Variants in CCDC150 observed in about 807,000 individuals in gnomAD.
CCDC150 encodes coiled-coil domain-containing protein 150.
A neutral mutation model predicts 156.5 loss-of-function variants in CCDC150; 151 were observed. That is an observed-to-expected ratio of 0.97 (90% CI 0.85 to 1.10). CCDC150 has a LOEUF of 1.10. Ranked by LOEUF, CCDC150 falls within the 50% of genes least tolerant of loss-of-function variation. CCDC150 has a pLI of 0.00. For synonymous variants in CCDC150, 452 were observed against 429.4 expected, an observed-to-expected ratio of 1.05 and a Z score of -0.65; for missense variants, 1,312 against 1,268.1, an observed-to-expected ratio of 1.03 and a Z score of -0.53.
intron 13 of CCDC150, among the ~76,000 whole-genome samples, chr2:196,678,274 T>C (rs1288433947): frequency 6.6e-6 from 1 of 152,172 alleles, no homozygotes; most frequent in African/African-American, 2.4e-5. Context: ...CAATAGGTAT[T>C]GGGTATAGTC....
chr2:196,697,366 C>G (rs1003554229), intron 14 of CCDC150, among the ~76,000 whole-genome samples: 1 of 151,790 alleles, frequency 6.6e-6, no homozygotes, highest in African/African-American at 2.4e-5. Context: ...ATTCCATTAC[C>G]ACTGGCAGTC....
intron 22 of CCDC150, chr2:196,728,066 G>A (rs1371323468): frequency 6.7e-6 from 1 of 148,564 alleles, no homozygotes; most frequent in Non-Finnish European, 1.5e-5. Context: ...ATTTGAAGAA[G>A]GATCAGTGAC....
chr2:196,684,179 A>T (rs1168582124), intron 13 of CCDC150, among the ~76,000 whole-genome samples: 1 of 152,064 alleles, frequency 6.6e-6, no homozygotes. Flanking sequence ...ATAAAAAATA[A>T]GTTTCTGCAG....
At chr2:196,673,482 TACTGCCTGC>T (rs1254889588) in intron 9 of CCDC150, among the ~76,000 whole-genome samples, 4 of 152,180 alleles carry the variant, frequency 2.6e-5, no homozygotes, top group African/African-American at 9.7e-5. Context: ...CTAACTACTG[TACTGCCTGC>T]CCATACCACT....
intron 27 of CCDC150, 90 bp downstream of exon 27, chr2:196,732,242 T>C: frequency 7.0e-7 from 1 of 1,428,610 alleles, no homozygotes; most frequent in Non-Finnish European, 9.7e-7. Context: ...ATCTCGATAC[T>C]CTCTCTTTTA....
Position 196,665,486 on chromosome 2 carries a change from G to A in CCDC150, c.646-81G>A, listed in dbSNP as rs1192337881. On this transcript the variant is annotated intron_variant, in intron 5 of 27. Coordinates refer to ENST00000389175, the MANE Select transcript of CCDC150 (RefSeq NM_001080539.2). The stretch of plus-strand genomic sequence containing the variant: ...TGTTTGGGGGTGAGATGGCATGTCT[G>A]ATAAACTTCTCAGGTAACTTTGATC... 6.8e-6 allele frequency: 5 copies of A among 737,584 alleles called. No individual in the cohort carries two copies. In the Admixed American group the frequency reaches 1.4e-4, roughly 21 times the overall value. 45.7% of individuals were successfully genotyped at this position (737,584 alleles called of 1,614,324 possible).
At chr2:196,721,427 C>A in intron 20 of CCDC150, 95 bp from the exon 21 acceptor site, 1 of 887,352 alleles carries the variant, frequency 1.1e-6, no homozygotes, top group Non-Finnish European at 1.5e-6. Context: ...TTCAATGGTA[C>A]TTGATGATAG....
chr2:196,651,756 G>C (rs184545344), intron 2 of CCDC150, among the ~76,000 whole-genome samples: 1 of 152,244 alleles, frequency 6.6e-6, no homozygotes, highest in Non-Finnish European at 1.5e-5. Context: ...TTAGTCCATT[G>C]TGCATTGCTA....
intron 2 of CCDC150, among the ~76,000 whole-genome samples, chr2:196,649,981 T>G (rs565412640): frequency 6.6e-6 from 1 of 152,316 alleles, no homozygotes; most frequent in African/African-American, 2.4e-5. Context: ...TGTTTGGATT[T>G]CTTTTATTTC....
intron 21 of CCDC150, among the ~76,000 whole-genome samples, chr2:196,723,644 G>A (rs1698048318): frequency 6.6e-6 from 1 of 152,208 alleles, no homozygotes; most frequent in Non-Finnish European, 1.5e-5. Context: ...AGGATCCAGA[G>A]AAGGAGCATT....
intron 13 of CCDC150, among the ~76,000 whole-genome samples, chr2:196,680,982 C>T (rs1694781735): frequency 6.6e-6 from 1 of 152,114 alleles, no homozygotes; most frequent in South Asian, 2.1e-4. Flanking sequence ...TAAAATTAGC[C>T]ATTTTAAAGT....
chr2:196,729,561 T>A, intron 23 of CCDC150, 174 bp downstream of exon 23: 1 of 684,252 alleles, frequency 1.5e-6, no homozygotes, highest in Non-Finnish European at 2.5e-6. Flanking sequence ...TGTAAATGTT[T>A]GATTTCTCAT....
At chr2:196,698,090 C>T (rs1468454577) in intron 14 of CCDC150, among the ~76,000 whole-genome samples, 1 of 152,156 alleles carries the variant, frequency 6.6e-6, no homozygotes, top group African/African-American at 2.4e-5. Context: ...TTTCAGTTCA[C>T]TCTTCTGTAA....
intron 22 of CCDC150, chr2:196,726,710 G>A (rs1427803682): frequency 1.3e-5 from 2 of 152,636 alleles, no homozygotes; most frequent in African/African-American, 4.8e-5. Context: ...TTATGAAACA[G>A]CACAGGCCAT....
At chr2:196,654,898 A>T (rs1408796900) in intron 2 of CCDC150, among the ~76,000 whole-genome samples, 1 of 152,216 alleles carries the variant, frequency 6.6e-6, no homozygotes, top group African/African-American at 2.4e-5. Context: ...TACAGCCAGA[A>T]ATTATAATGT....
rs1227714254 is a variant in CCDC150, at chr2:196,701,107, A to G, written c.1624-2A>G. The G allele has an allele frequency of 1.9e-6, 3 of 1,604,800 alleles. No homozygotes were observed. In the South Asian group the frequency reaches 3.4e-5, roughly 18 times the overall value. ...TTCTGATGCCTTTGTTTGCCTTATC[A>G]GCTTGCCCAACAGAAGGTGGAAAAA... On this transcript the variant is annotated splice_acceptor_variant, in intron 14 of 27. Coordinates refer to ENST00000389175, the MANE Select transcript of CCDC150 (RefSeq NM_001080539.2). LOFTEE classifies it high-confidence loss of function.
chr2:196,650,029 AG>A (rs1426600668), intron 2 of CCDC150, among the ~76,000 whole-genome samples: 1 of 152,164 alleles, frequency 6.6e-6, no homozygotes, highest in African/African-American at 2.4e-5. Context: ...GACTTACAAC[AG>A]TACATTGAAT....
intron 2 of CCDC150, among the ~76,000 whole-genome samples, chr2:196,651,707 G>A (rs1388730902): frequency 6.7e-6 from 1 of 150,194 alleles, no homozygotes; most frequent in African/African-American, 2.4e-5. Flanking sequence ...AAAACTCTTT[G>A]TCTTTAACTT....
At chr2:196,654,285 TC>T (rs1354104367) in intron 2 of CCDC150, among the ~76,000 whole-genome samples, 1 of 152,198 alleles carries the variant, frequency 6.6e-6, no homozygotes, top group Non-Finnish European at 1.5e-5. Flanking sequence ...TCTATGTCCT[TC>T]CCCAGGCTTG....
Sources: gnomAD v4.1 joint callset for allele counts (sites outside exome capture counted in the v4.1 genomes callset) on GRCh38, gnomAD v4.1.1 for gene constraint, MANE v1.5 for transcripts, NCBI Gene and HGNC (gene_info 2026-07-23, HGNC 2026-07-21) for gene names.